The following PRORP variants were observed in gnomAD, a reference collection of about 807,000 sequenced individuals.
PRORP encodes mitochondrial ribonuclease P catalytic subunit.
PRORP carries 51 observed loss-of-function variants against 59.4 expected under a neutral mutation model. That is an observed-to-expected ratio of 0.86 (90% CI 0.69 to 1.08). PRORP has a LOEUF of 1.08. Among genes scored for constraint, PRORP ranks in the 50% least tolerant of loss-of-function variants. The pLI is 0.00. For missense variants in PRORP, 646 were observed against 690.3 expected (o/e 0.94, Z 0.72); for synonymous variants, 231 against 245.6 (o/e 0.94, Z 0.55).
chr14:35,183,095 T>A (rs1016595465), intron 5 of PRORP, among the ~76,000 whole-genome samples: 41 of 152,102 alleles, frequency 2.7e-4, no homozygotes, highest in African/African-American at 9.9e-4. Context: ...AAAAACAACA[T>A]GCTTAGAATT....
intron 5 of PRORP, among the ~76,000 whole-genome samples, chr14:35,221,606 A>G (rs1274881554): frequency 5.3e-5 from 8 of 152,188 alleles, no homozygotes; most frequent in Admixed American, 5.2e-4. Context: ...ACATAAACAC[A>G]AAATCTATGC....
chr14:35,263,082 C>T (rs1488746447), intron 5 of PRORP: 2 of 1,298,538 alleles, frequency 1.5e-6, no homozygotes, highest in Non-Finnish European at 1.1e-6. Flanking sequence ...CGGATGATTC[C>T]TAAGACCTAT....
chr14:35,226,940 C>T (rs911043066), intron 5 of PRORP, among the ~76,000 whole-genome samples: 3 of 151,342 alleles, frequency 2.0e-5, no homozygotes, highest in Admixed American at 6.6e-5. Flanking sequence ...TCACCATGTT[C>T]CCCATGGCTA....
rs1443965001 is a variant in PRORP at position 35,274,856 on chromosome 14, A to G, written c.*1290A>G. ...ACTTAATCAAGTTTGACTTAATTTA[A>G]CAAAGTGATTATATTTTAATAGTTA... On this transcript the variant is annotated 3_prime_UTR_variant, in exon 8 of 8. Coordinates refer to ENST00000534898, the MANE Select transcript of PRORP (RefSeq NM_014672.4). The G allele has an allele frequency of 6.6e-6, 1 of 152,200 alleles. No homozygotes were observed. Among genetic ancestry groups the G allele is most frequent in the Admixed American group, 6.5e-5 (1 of 15,276 alleles). 9.4% of individuals were successfully genotyped at this position (152,200 alleles called of 1,614,324 possible).
chr14:35,213,045 A>C (rs2049490884), intron 5 of PRORP, among the ~76,000 whole-genome samples: 1 of 152,166 alleles, frequency 6.6e-6, no homozygotes, highest in African/African-American at 2.4e-5. Context: ...AAACCTCATG[A>C]GCCAACCTCT....
chr14:35,142,512 C>G (rs1253972817), intron 4 of PRORP, among the ~76,000 whole-genome samples: 1 of 94,206 alleles, frequency 1.1e-5, no homozygotes, highest in Non-Finnish European at 2.6e-5. Context: ...CCCTGCCCTG[C>G]TAATTTTTAA....
intron 4 of PRORP, among the ~76,000 whole-genome samples, chr14:35,162,213 A>G (rs1278269767): frequency 6.6e-6 from 1 of 152,136 alleles, no homozygotes; most frequent in African/African-American, 2.4e-5. Context: ...TTTCTCACAT[A>G]TTCCAAGATA....
intron 4 of PRORP, among the ~76,000 whole-genome samples, chr14:35,134,411 A>G (rs2047324199): frequency 6.6e-6 from 1 of 152,038 alleles, no homozygotes. Flanking sequence ...ACCTGAAGCT[A>G]GCAATATCAG....
At position 35,270,403 on chromosome 14, in the gene PRORP, C is replaced by T. The variant is rs374947525; in HGVS notation, c.1427C>T (p.Ser476Leu). ...QASCFFADDI[S>L]EDDPFLLYAT... is the part of the protein sequence containing the mutation. ...GTCCTTTCTTATGCCTGGTTCAGCT[C>T]GGAGGATGATCCATTCCTTCTGTAT... Residue 476 changes from serine (S) to leucine (L), a missense_variant and splice_region_variant, in exon 7 of 8, where the codon TCG becomes TTG. Transcript: ENST00000534898. 12 of 1,612,956 alleles carry T rather than the reference C, an allele frequency of 7.4e-6. No individual in the cohort carries two copies. The highest frequency in any genetic ancestry group is 2.2e-5 in the South Asian group (2 of 91,014).
intron 4 of PRORP, among the ~76,000 whole-genome samples, chr14:35,171,759 C>T (rs1264463658): frequency 1.3e-5 from 2 of 152,112 alleles, no homozygotes. Flanking sequence ...CTATCCTCTC[C>T]TTCTAGACTG....
intron 5 of PRORP, among the ~76,000 whole-genome samples, chr14:35,241,103 C>T (rs951273066): frequency 6.6e-5 from 10 of 152,136 alleles, no homozygotes; most frequent in Non-Finnish European, 1.0e-4. Context: ...GAAGGCTAGG[C>T]GCAGTGGCTC....
At chr14:35,166,580 G>T (rs1390587866) in intron 4 of PRORP, among the ~76,000 whole-genome samples, 1 of 151,594 alleles carries the variant, frequency 6.6e-6, no homozygotes, top group South Asian at 2.1e-4. Context: ...CTCCCAAGTA[G>T]CTGGGACTAC....
chr14:35,237,067 T>TTTCCTTCC (rs144513467), intron 5 of PRORP, among the ~76,000 whole-genome samples: 1 of 143,980 alleles, frequency 6.9e-6, no homozygotes, highest in Non-Finnish European at 1.5e-5. Context: ...CCTTCCTTCC[T>TTTCCTTCC]TTCCTTCCTT....
chr14:35,141,227 CCTT>C (rs911155818), intron 4 of PRORP, among the ~76,000 whole-genome samples: 8 of 143,656 alleles, frequency 5.6e-5, no homozygotes, highest in East Asian at 2.3e-4. Context: ...TATTTTCCTT[CCTT>C]CTTTTTCTTT....
chr14:35,260,607 G>A (rs1339610205), intron 5 of PRORP, among the ~76,000 whole-genome samples: 2 of 152,212 alleles, frequency 1.3e-5, no homozygotes, highest in African/African-American at 4.8e-5. Flanking sequence ...AATAAGCCGT[G>A]CTAGGCACTA....
intron 5 of PRORP, chr14:35,235,187 G>A: frequency 1.5e-6 from 1 of 672,982 alleles, no homozygotes; most frequent in South Asian, 1.4e-5. Context: ...ACTCAGTTTA[G>A]TGGAAAGTTC....
intron 5 of PRORP, among the ~76,000 whole-genome samples, chr14:35,223,345 A>G (rs887664843): frequency 2.6e-5 from 4 of 151,862 alleles, no homozygotes; most frequent in African/African-American, 9.7e-5. Flanking sequence ...AATCATCACT[A>G]TATCAACCAC....
At chr14:35,180,879 T>C in intron 5 of PRORP, 102 bp downstream of exon 5, 1 of 735,498 alleles carries the variant, frequency 1.4e-6, no homozygotes, top group Non-Finnish European at 2.3e-6. Context: ...TTTCTTCCTC[T>C]AAAACTAAGG....
chr14:35,195,134 CTT>C (rs2048977531), intron 5 of PRORP, among the ~76,000 whole-genome samples: 1 of 152,072 alleles, frequency 6.6e-6, no homozygotes, highest in South Asian at 2.1e-4. Flanking sequence ...AGGCCATACT[CTT>C]TTATGCCATA....
Sources: allele counts gnomAD v4.1 joint callset (sites outside exome capture counted in the v4.1 genomes callset), GRCh38; gene constraint gnomAD v4.1.1; transcripts MANE v1.5; gene names NCBI Gene and HGNC (gene_info 2026-07-23, HGNC 2026-07-21).